Variants in SORCS3 observed in about 807,000 individuals in gnomAD.
SORCS3 encodes sortilin related VPS10 domain containing receptor 3, also known as VPS10 domain-containing receptor SorCS3.
Under a neutral mutation model 146.3 loss-of-function variants are expected in SORCS3, and 57 were observed. The ratio of observed to expected loss-of-function variants is 0.39; its 90% CI spans 0.31 to 0.49. The LOEUF (loss-of-function observed/expected upper bound fraction) is 0.49. SORCS3 is among the 20% of genes least tolerant of loss of function. SORCS3 has a pLI of 0.92. For synonymous variants in SORCS3, 653 were observed against 618.5 expected, an observed-to-expected ratio of 1.06 and a Z score of -0.83; for missense variants, 1,341 against 1,575.5, an observed-to-expected ratio of 0.85 and a Z score of 2.52.
intron 4 of SORCS3, among the ~76,000 whole-genome samples, chr10:104,978,970 C>G (rs1261262634): frequency 2.0e-5 from 3 of 152,134 alleles, no homozygotes; most frequent in Non-Finnish European, 4.4e-5. Flanking sequence ...TACCTCTGCC[C>G]CTTGCTCCCT....
At chr10:104,644,783 C>G (rs1444101794) in intron 1 of SORCS3, among the ~76,000 whole-genome samples, 2 of 152,246 alleles carry the variant, frequency 1.3e-5, no homozygotes, top group Non-Finnish European at 2.9e-5. Context: ...CCTTGCTCTT[C>G]TTCCAAGTGT....
At chr10:104,804,100 T>G (rs1433251516) in intron 1 of SORCS3, among the ~76,000 whole-genome samples, 2 of 152,248 alleles carry the variant, frequency 1.3e-5, no homozygotes, top group Non-Finnish European at 2.9e-5. Context: ...ATTTTAATAA[T>G]ACCTTGAAAT....
chr10:104,951,574 AC>A (rs776745579), intron 3 of SORCS3, among the ~76,000 whole-genome samples: 1 of 151,986 alleles, frequency 6.6e-6, no homozygotes, highest in East Asian at 1.9e-4. Flanking sequence ...CAAACTCCTG[AC>A]CTCAAGCAGT....
intron 1 of SORCS3, among the ~76,000 whole-genome samples, chr10:104,667,561 G>GA (rs1052083014): frequency 9.2e-5 from 14 of 151,636 alleles, no homozygotes; most frequent in African/African-American, 2.4e-5. Flanking sequence ...CCTTTTTAAA[G>GA]AAAAAAAATG....
At chr10:105,014,122 CATATAT>C (rs199696544) in intron 4 of SORCS3, among the ~76,000 whole-genome samples, 6 of 145,880 alleles carry the variant, frequency 4.1e-5, no homozygotes, top group African/African-American at 1.3e-4. Flanking sequence ...CATATATATA[CATATAT>C]ATATATAACA....
At chr10:105,187,726 T>C (rs1206766151) in intron 14 of SORCS3, among the ~76,000 whole-genome samples, 1 of 152,204 alleles carries the variant, frequency 6.6e-6, no homozygotes, top group Non-Finnish European at 1.5e-5. Flanking sequence ...AATCAAGTGT[T>C]GCTATTACAA....
chr10:105,147,078 T>C (rs1206358275), intron 8 of SORCS3, among the ~76,000 whole-genome samples: 1 of 152,126 alleles, frequency 6.6e-6, no homozygotes, highest in African/African-American at 2.4e-5. Flanking sequence ...TTCCACTGTA[T>C]ACAACAGATG....
chr10:104,887,969 G>GT (rs1423236793), intron 2 of SORCS3, among the ~76,000 whole-genome samples: 4,036 of 73,674 alleles, frequency 0.055, 592 homozygotes, highest in African/African-American at 0.31. Flanking sequence ...CGGGGGGGCG[G>GT]GGGCGGAGCA....
At chr10:105,084,680 C>T (rs536165092) in intron 5 of SORCS3, among the ~76,000 whole-genome samples, 8 of 151,066 alleles carry the variant, frequency 5.3e-5, no homozygotes, top group East Asian at 3.9e-4. Flanking sequence ...CTAGGGGAGG[C>T]GCAGAGTGCA....
chr10:104,786,840 C>A (rs568643796), intron 1 of SORCS3, among the ~76,000 whole-genome samples: 1 of 152,174 alleles, frequency 6.6e-6, no homozygotes, highest in African/African-American at 2.4e-5. Flanking sequence ...TGAAGCTTGG[C>A]TTAAGAAGTA....
At chr10:104,718,585 T>A (rs953383891) in intron 1 of SORCS3, among the ~76,000 whole-genome samples, 4 of 152,096 alleles carry the variant, frequency 2.6e-5, no homozygotes, top group Non-Finnish European at 5.9e-5. Flanking sequence ...AGAAATCTGA[T>A]CCCACTCTGA....
chr10:104,896,169 C>A (rs1482878527), intron 2 of SORCS3, among the ~76,000 whole-genome samples: 4 of 152,104 alleles, frequency 2.6e-5, no homozygotes, highest in Non-Finnish European at 5.9e-5. Flanking sequence ...GCCACATGGG[C>A]CTGGCCAGAT....
At chr10:104,947,256 G>C (rs1423014777) in intron 3 of SORCS3, among the ~76,000 whole-genome samples, 1 of 152,124 alleles carries the variant, frequency 6.6e-6, no homozygotes, top group Non-Finnish European at 1.5e-5. Flanking sequence ...TTTAAAAAAA[G>C]CTTCTATGGC....
intron 1 of SORCS3, among the ~76,000 whole-genome samples, chr10:104,786,922 T>A (rs1374327285): frequency 6.6e-6 from 1 of 152,240 alleles, no homozygotes; most frequent in Admixed American, 6.5e-5. Context: ...CTCCTGCTTT[T>A]CAGTGCCCTC....
chr10:105,178,765 G>A (rs1392248346), intron 14 of SORCS3, among the ~76,000 whole-genome samples: 9 of 152,226 alleles, frequency 5.9e-5, no homozygotes, highest in East Asian at 3.9e-4. Flanking sequence ...GTGGGTAACC[G>A]TAATCCTCCA....
chr10:105,143,088 A>G (rs192171303), intron 8 of SORCS3, among the ~76,000 whole-genome samples: 12 of 152,132 alleles, frequency 7.9e-5, no homozygotes, highest in Admixed American at 6.6e-4. Context: ...CTGTACATCC[A>G]TCTATCCACT....
At chr10:104,808,032 G>A (rs2017698264) in intron 1 of SORCS3, among the ~76,000 whole-genome samples, 1 of 152,208 alleles carries the variant, frequency 6.6e-6, no homozygotes, top group Non-Finnish European at 1.5e-5. Flanking sequence ...AGAGCTGAGG[G>A]AAACATTTGC....
intron 1 of SORCS3, among the ~76,000 whole-genome samples, chr10:104,732,021 G>A (rs1279070437): frequency 1.3e-5 from 2 of 152,186 alleles, no homozygotes; most frequent in African/African-American, 2.4e-5. Context: ...ATTTTATAGG[G>A]TTAGAAGGAA....
intron 16 of SORCS3, among the ~76,000 whole-genome samples, chr10:105,201,875 G>C: frequency 6.6e-6 from 1 of 152,264 alleles, no homozygotes; most frequent in East Asian, 1.9e-4. Context: ...CCAAAGCAAA[G>C]CTTTTCTTGA....
Sources: allele counts gnomAD v4.1 joint callset (sites outside exome capture counted in the v4.1 genomes callset), GRCh38; gene constraint gnomAD v4.1.1; transcripts MANE v1.5; gene names NCBI Gene and HGNC (gene_info 2026-07-23, HGNC 2026-07-21).